Variants in EPHA7 observed in about 807,000 individuals in gnomAD.
EPHA7 encodes EPH receptor A7, also known as ephrin type-A receptor 7.
In EPHA7, 25 loss-of-function variants were observed where a neutral mutation model predicts 112.6. The observed-to-expected ratio is 0.22, with a 90% CI of 0.16 to 0.31. The LOEUF is 0.31. EPHA7 is among the 10% of genes least tolerant of loss of function. EPHA7 has a pLI of 1.00. For missense variants in EPHA7, 962 were observed against 1,212.6 expected (o/e 0.79, Z 3.07); for synonymous variants, 437 against 406.5 (o/e 1.07, Z -0.90).
intron 12 of EPHA7, among the ~76,000 whole-genome samples, chr6:93,256,862 T>G (rs1770462908): frequency 6.6e-6 from 1 of 152,156 alleles, no homozygotes; most frequent in East Asian, 1.9e-4. Context: ...TGTTCTCTTT[T>G]TCTTTAGATT....
intron 5 of EPHA7, among the ~76,000 whole-genome samples, chr6:93,331,602 C>T (rs894748163): frequency 1.5e-4 from 23 of 151,308 alleles, no homozygotes. Context: ...AAGAAATGAT[C>T]ATGGAGAGTT....
In EPHA7 at chr6:93,374,943, C is replaced by T. The variant is rs184038922; in HGVS notation, c.833-16532G>A. Among the ~76,000 whole-genome samples, 426 of 152,220 alleles carry T rather than the reference C, an allele frequency of 2.8e-3. 7 individuals carry two copies. The highest frequency in any genetic ancestry group is 2.4e-3 in the Non-Finnish European group (165 of 68,004). ...TATCATTTCAAAAAAGATAATATTGCTTCCTCCATAACATACAAAAATTTC... is the reference window on the plus strand; with the variant it reads ...TATCATTTCAAAAAAGATAATATTGTTTCCTCCATAACATACAAAAATTTC... On this transcript the variant is annotated intron_variant, in intron 3 of 16. Coordinates refer to ENST00000369303, the MANE Select transcript of EPHA7 (RefSeq NM_004440.4).
chr6:93,268,787 T>C (rs1442408931), intron 7 of EPHA7, among the ~76,000 whole-genome samples: 1 of 151,726 alleles, frequency 6.6e-6, no homozygotes, highest in Admixed American at 6.6e-5. Context: ...TATAATCTTG[T>C]TGCATTGTAA....
chr6:93,357,003 T>C lies in EPHA7; in HGVS notation c.1038A>G (p.Thr346=). The change falls in exon 5 of 17, where the codon ACA becomes ACG. Residue 346 remains threonine, a synonymous_variant. Coordinates refer to ENST00000369303, the MANE Select transcript of EPHA7 (RefSeq NM_004440.4). ...QNLIFNINQT[T]VSLEWSPPAD... Reference sequence around the variant, plus strand: ...CAGGAGGACTCCATTCCAAACTTACTGTGGTTTGGTTGATGTTGAAAATGA... The same window carrying C: ...CAGGAGGACTCCATTCCAAACTTACCGTGGTTTGGTTGATGTTGAAAATGA... 1.9e-6 allele frequency: 3 copies of C among 1,613,960 alleles called. No homozygotes were observed. Among genetic ancestry groups the C allele is most frequent in the Non-Finnish European group, 2.5e-6 (3 of 1,179,966 alleles).
chr6:93,286,855 AAC>A (rs1772090851), intron 5 of EPHA7, among the ~76,000 whole-genome samples: 1 of 152,182 alleles, frequency 6.6e-6, no homozygotes. Flanking sequence ...TTGCGTCTGA[AAC>A]AGTCACATCC....
Position 93,410,424 on chromosome 6 carries a change from TAACTATTA to T in EPHA7, c.832+69_832+76del. ...TACAGAGCAGATTCACGTATTCAAATAACTATTAAAGTTTAAAATGTCTGATACTGAAA... is the reference window on the plus strand; with the variant it reads ...TACAGAGCAGATTCACGTATTCAAATAAGTTTAAAATGTCTGATACTGAAA... On this transcript the variant is annotated intron_variant, in intron 3 of 16. Transcript: ENST00000369303. This position sits in a 1 kb window ranked among gnomAD's most constrained non-coding sequence, Gnocchi z 4.0. 7.5e-7 allele frequency: 1 copy of T among 1,332,208 alleles called. No homozygotes were observed. The highest frequency in any genetic ancestry group is 1.0e-6 in the Non-Finnish European group (1 of 964,150). 82.5% of individuals were successfully genotyped at this position (1,332,208 alleles called of 1,614,324 possible). A position where few individuals can be genotyped will look rare whatever the true frequency, so the allele number is the denominator to read the frequency against.
chr6:93,413,873 C>T lies in EPHA7; in HGVS notation c.162+830G>A, dbSNP rs565478530. Among the ~76,000 whole-genome samples the T allele has an allele frequency of 6.5e-4, 99 of 151,930 alleles. No individual in the cohort carries two copies. The Middle Eastern group carries it at 0.02, about 31-fold the overall frequency. On this transcript the variant is annotated intron_variant, in intron 2 of 16. Transcript: ENST00000369303. ...CAGTTTTTGTATCATAACTTACACT[C>T]CACACGGTTTTTAATAAGCCAAAGA...
chr6:93,366,683 C>T (rs1776529758), intron 3 of EPHA7, among the ~76,000 whole-genome samples: 1 of 152,272 alleles, frequency 6.6e-6, no homozygotes, highest in African/African-American at 2.4e-5. Flanking sequence ...TGTCAGAGAT[C>T]CGTCTGCCAA....
intron 3 of EPHA7, among the ~76,000 whole-genome samples, chr6:93,359,871 AGAGAGATAGATAG>A: frequency 7.7e-6 from 1 of 129,692 alleles, no homozygotes; most frequent in South Asian, 2.4e-4. Context: ...AGAGAGAGAG[AGAGAGATAGATAG>A]ATAGATAGAT....
At chr6:93,321,112 A>T (rs183972028) in intron 5 of EPHA7, among the ~76,000 whole-genome samples, 39 of 152,078 alleles carry the variant, frequency 2.6e-4, no homozygotes, top group Non-Finnish European at 4.3e-4. Flanking sequence ...TGTCTCTTTT[A>T]AATCAGTACA....
chr6:93,329,954 TA>T (rs1316075232), intron 5 of EPHA7, among the ~76,000 whole-genome samples: 1 of 151,350 alleles, frequency 6.6e-6, no homozygotes, highest in Non-Finnish European at 1.5e-5. Flanking sequence ...ACCTAAAGTA[TA>T]AGCAGGTTTA....
chr6:93,413,419 G>A (rs2127996535), intron 2 of EPHA7, among the ~76,000 whole-genome samples: 1 of 151,956 alleles, frequency 6.6e-6, no homozygotes, highest in South Asian at 2.1e-4. Flanking sequence ...CTTCTCCTCA[G>A]AGATAAAACC....
At chr6:93,356,346 T>A (rs1430040037) in intron 5 of EPHA7, among the ~76,000 whole-genome samples, 2 of 152,062 alleles carry the variant, frequency 1.3e-5, no homozygotes, top group African/African-American at 4.8e-5. Flanking sequence ...TAACTGGGAC[T>A]ACAGGTGTGC....
At chr6:93,274,566 T>A (rs1481009807) in intron 5 of EPHA7, among the ~76,000 whole-genome samples, 3 of 151,926 alleles carry the variant, frequency 2.0e-5, no homozygotes, top group Non-Finnish European at 4.4e-5. Context: ...CAACGTATTT[T>A]CCCTTTTGCA....
At chr6:93,316,439 G>A (rs1773815604) in intron 5 of EPHA7, among the ~76,000 whole-genome samples, 1 of 152,000 alleles carries the variant, frequency 6.6e-6, no homozygotes, top group Non-Finnish European at 1.5e-5. Context: ...GGTTACATAT[G>A]TTTTCAGAGA....
intron 5 of EPHA7, among the ~76,000 whole-genome samples, chr6:93,337,157 C>G (rs1279415102): frequency 6.6e-6 from 1 of 152,132 alleles, no homozygotes; most frequent in African/African-American, 2.4e-5. Context: ...CAAAGTTCCA[C>G]TTTTCTCCCA....
chr6:93,391,790 A>C (rs1046537639), intron 3 of EPHA7, among the ~76,000 whole-genome samples: 11 of 151,904 alleles, frequency 7.2e-5, no homozygotes, highest in African/African-American at 2.7e-4. Context: ...ACAGAAAAAA[A>C]ATACTCCACT....
At chr6:93,347,121 G>C (rs1775441085) in intron 5 of EPHA7, among the ~76,000 whole-genome samples, 1 of 151,704 alleles carries the variant, frequency 6.6e-6, no homozygotes, top group Non-Finnish European at 1.5e-5. Context: ...CCAAAATATA[G>C]AGCTATAAAC....
In EPHA7 at chr6:93,358,197, C is replaced by T. The variant is rs1776053062; in HGVS notation, c.988+59G>A. 4 of 1,322,970 alleles carry T rather than the reference C, an allele frequency of 3.0e-6. No individual in the cohort carries two copies. In the South Asian group the frequency reaches 8.6e-5, roughly 28 times the overall value. The allele number at this position is 1,322,970 out of a possible 1,614,324, so 82.0% of individuals were successfully genotyped here. A position where few individuals can be genotyped will look rare whatever the true frequency, so the allele number is the denominator to read the frequency against. On this transcript the variant is annotated intron_variant, in intron 4 of 16. Transcript: ENST00000369303. ...TTCAATATCTATTTCATTGATGTCA[C>T]AACAGTACAAATGAGTGGAAGGGAT...
Sources: allele counts gnomAD v4.1 joint callset (sites outside exome capture counted in the v4.1 genomes callset), GRCh38; gene constraint gnomAD v4.1.1; non-coding constraint Gnocchi (gnomAD v3.1); transcripts MANE v1.5; gene names NCBI Gene and HGNC (gene_info 2026-07-23, HGNC 2026-07-21).